Variants in TBCD observed in about 807,000 individuals in gnomAD.
The protein encoded by TBCD is tubulin-specific chaperone D.
In TBCD, 105 loss-of-function variants were observed where a neutral mutation model predicts 169.3. That is an observed-to-expected ratio of 0.62 (90% CI 0.53 to 0.73). TBCD has a LOEUF of 0.73. Among genes scored for constraint, TBCD ranks in the 30% least tolerant of loss-of-function variants. The pLI is 0.00. For synonymous variants in TBCD, 700 were observed against 643.9 expected (o/e 1.09, Z -1.32); for missense variants, 1,444 against 1,600.1 (o/e 0.90, Z 1.66).
chr17:82,849,391 A>G (rs1373887351), intron 13 of TBCD, among the ~76,000 whole-genome samples: 1 of 152,256 alleles, frequency 6.6e-6, no homozygotes, highest in Non-Finnish European at 1.5e-5. Flanking sequence ...CCTGAGAGTC[A>G]CATTTCCATC....
At chr17:82,772,191 A>C (rs559381314) in intron 5 of TBCD, among the ~76,000 whole-genome samples, 1 of 152,218 alleles carries the variant, frequency 6.6e-6, no homozygotes, top group South Asian at 2.1e-4. Flanking sequence ...GTTCTTGCAA[A>C]TGTGTGTTTC....
intron 13 of TBCD, among the ~76,000 whole-genome samples, chr17:82,865,965 G>T (rs1319565129): frequency 1.3e-5 from 2 of 152,152 alleles, no homozygotes; most frequent in East Asian, 1.9e-4. Context: ...AGCCTCCTGG[G>T]GTGTGTTCTA....
At chr17:82,936,481 T>C (rs565810381) in intron 34 of TBCD, among the ~76,000 whole-genome samples, 1 of 152,334 alleles carries the variant, frequency 6.6e-6, no homozygotes, top group East Asian at 1.9e-4. Flanking sequence ...TTCTTTGTCT[T>C]CTTACTTGTC....
At chr17:82,819,999 G>A (rs1317203700) in intron 13 of TBCD, among the ~76,000 whole-genome samples, 1 of 149,280 alleles carries the variant, frequency 6.7e-6, no homozygotes, top group African/African-American at 2.5e-5. Flanking sequence ...CTTTTTTTGA[G>A]ACAGAGTCTT....
At chr17:82,925,627 C>A (rs1191280902) in intron 27 of TBCD, among the ~76,000 whole-genome samples, 1 of 152,218 alleles carries the variant, frequency 6.6e-6, no homozygotes, top group Non-Finnish European at 1.5e-5. Flanking sequence ...CCATGGGATC[C>A]AGCCTTGGCA....
chr17:82,898,989 G>T (rs1175609114), intron 17 of TBCD, among the ~76,000 whole-genome samples: 2 of 152,248 alleles, frequency 1.3e-5, no homozygotes, highest in East Asian at 3.8e-4. Context: ...GTGTGCTGCT[G>T]CCCTGCCCTC....
At chr17:82,914,319 C>T (rs1487840760) in intron 23 of TBCD, among the ~76,000 whole-genome samples, 2 of 152,130 alleles carry the variant, frequency 1.3e-5, no homozygotes, top group East Asian at 3.9e-4. Flanking sequence ...TCTCTCTACC[C>T]CCAACTCCAG....
chr17:82,813,775 C>T (rs1363482043), intron 12 of TBCD, among the ~76,000 whole-genome samples: 1 of 152,190 alleles, frequency 6.6e-6, no homozygotes, highest in Admixed American at 6.5e-5. Context: ...TCTGGGCAGA[C>T]AGTACACGTC....
At chr17:82,800,735 A>G (rs2050451012) in intron 8 of TBCD, 129 bp from the exon 9 acceptor site, 3 of 1,126,342 alleles carry the variant, frequency 2.7e-6, no homozygotes, top group South Asian at 1.6e-5. Flanking sequence ...ATTTGGGATG[A>G]TGGGGGTCTT....
intron 6 of TBCD, among the ~76,000 whole-genome samples, chr17:82,780,443 T>C (rs1195760237): frequency 6.6e-6 from 1 of 151,896 alleles, no homozygotes; most frequent in Non-Finnish European, 1.5e-5. Flanking sequence ...GCCTATGAAC[T>C]CCTGGTGGAG....
chr17:82,937,942 CG>C (rs1568099960), intron 35 of TBCD, 106 bp from the exon 36 acceptor site: 1 of 1,549,910 alleles, frequency 6.5e-7, no homozygotes, highest in South Asian at 1.2e-5. Context: ...ACTGTGCTCA[CG>C]GATCTGCTCT....
rs141724256 is a variant in TBCD at position 82,799,569 on chromosome 17, G to A, written c.818-1295G>A. On this transcript the variant is annotated intron_variant, in intron 8 of 38. Coordinates refer to ENST00000355528, the MANE Select transcript of TBCD (RefSeq NM_005993.5). ...GAAGAGAGAATGGCGTGCACGCCCC[G>A]TGTCTCTCTCAGGAGTGTGCGAGTT... Among the ~76,000 whole-genome samples the A allele has an allele frequency of 3.5e-3, 534 of 152,056 alleles. 1 individual carries two copies. Among genetic ancestry groups the A allele is most frequent in the Non-Finnish European group, 5.8e-3 (394 of 68,012 alleles).
At chr17:82,764,487 A>C (rs1428301449) in intron 3 of TBCD, among the ~76,000 whole-genome samples, 1 of 152,176 alleles carries the variant, frequency 6.6e-6, no homozygotes, top group Non-Finnish European at 1.5e-5. Context: ...TCTACTAAAA[A>C]TACAAAAATT....
Position 82,830,439 on chromosome 17 carries a change from G to C in TBCD, c.1318+15505G>C. 2 of 1,612,022 alleles carry C rather than the reference G, an allele frequency of 1.2e-6. No individual in the cohort carries two copies. Among genetic ancestry groups the C allele is most frequent in the Non-Finnish European group, 1.7e-6 (2 of 1,179,876 alleles). ...CCGTCTGCTTCTGCTCCTCGCTGCTGTCCACCGCGCATGCGTCTGGAGCCT... is the reference window on the plus strand; with the variant it reads ...CCGTCTGCTTCTGCTCCTCGCTGCTCTCCACCGCGCATGCGTCTGGAGCCT... On this transcript the variant is annotated intron_variant, in intron 13 of 38. Transcript: ENST00000355528.
intron 7 of TBCD, chr17:82,795,647 G>C: frequency 2.1e-6 from 2 of 955,380 alleles, no homozygotes; most frequent in Non-Finnish European, 2.5e-6. Context: ...GTGGAACAAC[G>C]TACTCCACAG....
At chr17:82,804,622 G>T (rs779449136) in intron 9 of TBCD, among the ~76,000 whole-genome samples, 21 of 152,220 alleles carry the variant, frequency 1.4e-4, no homozygotes, top group Non-Finnish European at 2.9e-4. Flanking sequence ...CCTGTTTGAA[G>T]TCCTTACCAT....
intron 17 of TBCD, among the ~76,000 whole-genome samples, chr17:82,899,415 G>T (rs1599360124): frequency 6.9e-6 from 1 of 144,242 alleles, no homozygotes; most frequent in East Asian, 2.2e-4. Flanking sequence ...CTTTTCGTTG[G>T]TGAGTCTTTG....
At chr17:82,916,938 C>T (rs561291013) in intron 23 of TBCD, among the ~76,000 whole-genome samples, 1 of 152,118 alleles carries the variant, frequency 6.6e-6, no homozygotes, top group South Asian at 2.1e-4. Flanking sequence ...TTGTCTGGAT[C>T]ACCGCACTTA....
Position 82,870,239 on chromosome 17 carries a change from T to A in TBCD, c.1334T>A (p.Leu445Gln), listed in dbSNP as rs761436080. ...SRLVDVVAVI[L>Q]KALTYDEKRG... ...CCTTGCCCAGTTGTCGCCGTGATCC[T>A]GAAGGCGCTGACCTACGACGAGAAG... The change falls in exon 14 of 39, where the codon CTG (leucine) becomes CAG (glutamine). Residue 445 changes from leucine (L) to glutamine (Q), a missense_variant. By Grantham distance (113) the Leu-to-Gln change is moderately radical. Transcript: ENST00000355528. 13 of 1,613,064 alleles carry A rather than the reference T, an allele frequency of 8.1e-6. No homozygotes were observed. Among genetic ancestry groups the A allele is most frequent in the African/African-American group, 2.7e-5 (2 of 74,924 alleles).
Sources: gnomAD v4.1 joint callset for allele counts (sites outside exome capture counted in the v4.1 genomes callset) on GRCh38, gnomAD v4.1.1 for gene constraint, MANE v1.5 for transcripts, NCBI Gene and HGNC (gene_info 2026-07-23, HGNC 2026-07-21) for gene names.